CDKAL1: variants seen among roughly 807,000 people sequenced by gnomAD.
CDKAL1 encodes threonylcarbamoyladenosine tRNA methylthiotransferase.
Under a neutral mutation model 68.2 loss-of-function variants are expected in CDKAL1, and 32 were observed. The ratio of observed to expected loss-of-function variants is 0.47; its 90% CI spans 0.35 to 0.63. CDKAL1 has a LOEUF of 0.63. Among genes scored for constraint, CDKAL1 ranks in the 30% least tolerant of loss-of-function variants. The pLI is 0.00. For missense variants in CDKAL1, 606 were observed against 696.7 expected, an observed-to-expected ratio of 0.87 and a Z score of 1.47; for synonymous variants, 234 against 244.3, an observed-to-expected ratio of 0.96 and a Z score of 0.39.
At chr6:20,762,558 A>T (rs936211164) in intron 7 of CDKAL1, among the ~76,000 whole-genome samples, 2 of 152,186 alleles carry the variant, frequency 1.3e-5, no homozygotes, top group Non-Finnish European at 2.9e-5. Context: ...TTCAGACAGC[A>T]TATGTCACTG....
At chr6:20,982,244 A>G (rs1297037138) in intron 10 of CDKAL1, among the ~76,000 whole-genome samples, 2 of 151,910 alleles carry the variant, frequency 1.3e-5, no homozygotes, top group Non-Finnish European at 2.9e-5. Flanking sequence ...TTATTTATGG[A>G]GACAGAATTT....
At chr6:21,133,860 C>T (rs1390221247) in intron 13 of CDKAL1, among the ~76,000 whole-genome samples, 1 of 152,190 alleles carries the variant, frequency 6.6e-6, no homozygotes, top group East Asian at 1.9e-4. Context: ...TGCACATTTA[C>T]ATGAACACAT....
At chr6:20,905,000 G>T (rs12214079) in intron 9 of CDKAL1, among the ~76,000 whole-genome samples, 1 of 151,926 alleles carries the variant, frequency 6.6e-6, no homozygotes. Context: ...CAGAATCACC[G>T]CATTATTAGA....
chr6:20,617,118 T>G (rs1205764001), intron 4 of CDKAL1, among the ~76,000 whole-genome samples: 1 of 152,146 alleles, frequency 6.6e-6, no homozygotes, highest in Non-Finnish European at 1.5e-5. Flanking sequence ...GTCTGTGCTT[T>G]TACTGGTACT....
At position 20,593,605 on chromosome 6, in the gene CDKAL1, T is replaced by TA. The variant is rs539991104; in HGVS notation, c.286+44913dup. ...GCTGGTGGTCTATTTCATTAATCTT[T>TA]AAAAAAAAAAAAAGAAACCCAGCTC... On this transcript the variant is annotated intron_variant, in intron 4 of 15. Transcript: ENST00000274695. 7.1e-3 allele frequency among the ~76,000 whole-genome samples: 865 copies of TA among 121,948 alleles called. 8 individuals are homozygous for TA. The highest frequency in any genetic ancestry group is 0.02 in the African/African-American group (624 of 31,668). The allele number at this position is 121,948 out of a possible 152,430, so 80.0% of individuals were successfully genotyped here. A position where few individuals can be genotyped will look rare whatever the true frequency, so the allele number is the denominator to read the frequency against.
intron 7 of CDKAL1, among the ~76,000 whole-genome samples, chr6:20,773,821 C>A (rs1467200334): frequency 6.6e-6 from 1 of 152,174 alleles, no homozygotes; most frequent in Admixed American, 6.5e-5. Flanking sequence ...GCTGGGATTA[C>A]AGGCTTGAGC....
intron 8 of CDKAL1, among the ~76,000 whole-genome samples, chr6:20,815,934 A>G (rs1420803656): frequency 6.6e-6 from 1 of 152,184 alleles, no homozygotes; most frequent in Non-Finnish European, 1.5e-5. Context: ...TGGCAGTTCC[A>G]AAGACCAGAA....
intron 7 of CDKAL1, among the ~76,000 whole-genome samples, chr6:20,773,761 T>A (rs1294646370): frequency 6.6e-6 from 1 of 152,182 alleles, no homozygotes; most frequent in Non-Finnish European, 1.5e-5. Context: ...TTAGCCAGGA[T>A]GGTCTTGATC....
chr6:20,623,038 T>G (rs1767266954), intron 4 of CDKAL1, among the ~76,000 whole-genome samples: 1 of 152,098 alleles, frequency 6.6e-6, no homozygotes, highest in Non-Finnish European at 1.5e-5. Flanking sequence ...TTATATTGTT[T>G]TTGTATGGAT....
At chr6:20,555,033 A>G (rs533422398) in intron 4 of CDKAL1, among the ~76,000 whole-genome samples, 2 of 152,306 alleles carry the variant, frequency 1.3e-5, no homozygotes, top group Admixed American at 6.5e-5. Flanking sequence ...AGCTGTTAAC[A>G]TTCTTGATAG....
At chr6:20,851,989 G>A (rs192983832) in intron 9 of CDKAL1, among the ~76,000 whole-genome samples, 8 of 152,024 alleles carry the variant, frequency 5.3e-5, no homozygotes, top group Admixed American at 5.2e-4. Context: ...GATTTATATG[G>A]CAGTTAAATT....
chr6:21,030,491 T>TA (rs1306928156), intron 11 of CDKAL1, among the ~76,000 whole-genome samples: 2 of 151,990 alleles, frequency 1.3e-5, no homozygotes, highest in African/African-American at 4.8e-5. Flanking sequence ...ACTTAAAATT[T>TA]AAAAAAAATT....
At chr6:20,664,273 A>G (rs576619850) in intron 5 of CDKAL1, among the ~76,000 whole-genome samples, 1 of 151,628 alleles carries the variant, frequency 6.6e-6, no homozygotes, top group Non-Finnish European at 1.5e-5. Context: ...ATTAAGAAAG[A>G]AACTGACAGA....
intron 8 of CDKAL1, among the ~76,000 whole-genome samples, chr6:20,843,579 A>G (rs1778259463): frequency 6.6e-6 from 1 of 152,224 alleles, no homozygotes; most frequent in African/African-American, 2.4e-5. Flanking sequence ...CATAGCTTGA[A>G]GGTAATTTAC....
At chr6:20,827,354 G>C in intron 8 of CDKAL1, among the ~76,000 whole-genome samples, 1 of 152,094 alleles carries the variant, frequency 6.6e-6, no homozygotes, top group East Asian at 1.9e-4. Context: ...AGTACCTGGC[G>C]CTGCCCTATA....
chr6:21,211,768 T>G (rs943340896), intron 15 of CDKAL1, among the ~76,000 whole-genome samples: 1 of 152,194 alleles, frequency 6.6e-6, no homozygotes, highest in Non-Finnish European at 1.5e-5. Flanking sequence ...TTTTGCTTTG[T>G]TTTTGAGACA....
chr6:20,796,465 T>C (rs1776113792), intron 8 of CDKAL1, among the ~76,000 whole-genome samples: 1 of 152,186 alleles, frequency 6.6e-6, no homozygotes, highest in Admixed American at 6.5e-5. Flanking sequence ...AAGATTTTTC[T>C]TGTAGAAGTG....
At chr6:20,792,877 T>C (rs1775954957) in intron 8 of CDKAL1, among the ~76,000 whole-genome samples, 1 of 152,170 alleles carries the variant, frequency 6.6e-6, no homozygotes, top group Non-Finnish European at 1.5e-5. Context: ...GGAAATAATT[T>C]TGTTTTAGTC....
intron 4 of CDKAL1, among the ~76,000 whole-genome samples, chr6:20,556,904 G>C (rs1764065425): frequency 6.6e-6 from 1 of 151,800 alleles, no homozygotes; most frequent in African/African-American, 2.4e-5. Context: ...CGGGCATGGT[G>C]GTGGGCGCCT....
Sources: gnomAD v4.1 joint callset for allele counts (sites outside exome capture counted in the v4.1 genomes callset) on GRCh38, gnomAD v4.1.1 for gene constraint, MANE v1.5 for transcripts, NCBI Gene and HGNC (gene_info 2026-07-23, HGNC 2026-07-21) for gene names.